The following KANSL2 variants were observed in gnomAD, a reference collection of about 807,000 sequenced individuals.
The protein encoded by KANSL2 is KAT8 regulatory NSL complex subunit 2, also known as NSL complex protein NSL2.
A neutral mutation model predicts 55.6 loss-of-function variants in KANSL2; 34 were observed. The ratio of observed to expected loss-of-function variants is 0.61; its 90% CI spans 0.46 to 0.81. The LOEUF is 0.81. KANSL2 is among the 40% of genes least tolerant of loss of function. The probability of loss-of-function intolerance (pLI) is 0.00; values close to 1 mark genes in which losing one functional copy is unlikely to be tolerated. For missense variants in KANSL2, 502 were observed against 609.9 expected (o/e 0.82, Z 1.86); for synonymous variants, 209 against 214.3 (o/e 0.98, Z 0.22).
intron 7 of KANSL2, among the ~76,000 whole-genome samples, chr12:48,660,932 C>T (rs10783273): frequency 0.28 from 42,123 of 152,042 alleles, 7,109 homozygotes; most frequent in East Asian, 0.75. Flanking sequence ...CTCCTAGGAA[C>T]ACACACATAT....
At chr12:48,678,934 C>T in intron 4 of KANSL2, 102 bp downstream of exon 4, 2 of 747,486 alleles carry the variant, frequency 2.7e-6, no homozygotes, top group Non-Finnish European at 4.5e-6. Flanking sequence ...TGACAAATAG[C>T]TGTCTTCAAC....
intron 3 of KANSL2, 68 bp from the exon 4 acceptor site, chr12:48,679,218 A>C: frequency 9.8e-7 from 1 of 1,018,658 alleles, no homozygotes; most frequent in Admixed American, 1.9e-5. Context: ...ACAAAACTAG[A>C]TTACTTTTAT....
intron 7 of KANSL2, among the ~76,000 whole-genome samples, chr12:48,665,025 G>A (rs1035733852): frequency 4.6e-5 from 7 of 151,626 alleles, no homozygotes; most frequent in East Asian, 3.9e-4. Flanking sequence ...ACATGCCATC[G>A]TGACCAGATA....
Position 48,681,615 on chromosome 12 carries a change from A to G in KANSL2, c.18T>C (p.Ile6=). The G allele has an allele frequency of 6.2e-7, 1 of 1,614,034 alleles. No individual in the cohort carries two copies. The change falls in exon 2 of 10, where the codon ATT becomes ATC. Residue 6 remains isoleucine (I), a synonymous_variant. Coordinates refer to ENST00000420613, the MANE Select transcript of KANSL2 (RefSeq NM_017822.4). ...TCCCCCGATTGGTTGGCAAGACGTG[A>G]ATCCGAATCCTGTTCATAACCAAAA... The part of the protein sequence containing the change: MNRIR[I]HVLPTNRGRI...
At position 48,669,188 on chromosome 12, in the gene KANSL2, C is replaced by T. The variant is rs1457481299; in HGVS notation, c.794G>A (p.Arg265His). Residue 265 changes from arginine (R) to histidine (H), a missense_variant, in exon 6 of 10, where the codon CGC becomes CAC. Physicochemically the swap from Arg to His is conservative, Grantham distance 29. Coordinates refer to ENST00000420613, the MANE Select transcript of KANSL2 (RefSeq NM_017822.4). ...TAAGGCTTCCACTCCATAGCGCTGG[C>T]GGTATCGTCGCAGACATTTTAATCG... is the stretch of plus-strand genomic sequence containing the variant. The part of the protein sequence containing the change: ...LKRLKCLRRY[R>H]QRYGVEALLH... 3.2e-6 allele frequency: 5 copies of T among 1,555,332 alleles called. No individual in the cohort carries two copies. The highest frequency in any genetic ancestry group is 2.4e-5 in the East Asian group (1 of 41,434).
At chr12:48,674,225 C>T (rs1351742698) in intron 4 of KANSL2, among the ~76,000 whole-genome samples, 1 of 152,206 alleles carries the variant, frequency 6.6e-6, no homozygotes, top group East Asian at 1.9e-4. Context: ...ACTGCAACCT[C>T]CGCCTCCCGG....
At chr12:48,676,306 A>G (rs910632154) in intron 4 of KANSL2, among the ~76,000 whole-genome samples, 2 of 152,148 alleles carry the variant, frequency 1.3e-5, no homozygotes, top group South Asian at 2.1e-4. Flanking sequence ...GTGTCTCCCT[A>G]TGTTGCCCAG....
chr12:48,662,128 G>T (rs182214152), intron 7 of KANSL2, among the ~76,000 whole-genome samples: 10 of 151,958 alleles, frequency 6.6e-5, no homozygotes, highest in Middle Eastern at 3.2e-3. Flanking sequence ...TTTTTTACAC[G>T]AAGTCTCGCT....
rs1423335010 is a variant in KANSL2, at chr12:48,679,807, C to T, written c.278G>A (p.Arg93His). The change falls in exon 3 of 10, where the codon CGT (arginine) becomes CAT (histidine). Residue 93 changes from arginine to histidine, a missense_variant. By Grantham distance (29) the Arg-to-His change is conservative. Transcript: ENST00000420613. ...AGCATGAAGTGCCAGGGCATTCCTA[C>T]GGACATGTTCAGCACAGAAGGACAC... Reference protein sequence around the residue: ...DGVSFCAEHVRRNALALHAQM... With the variant: ...DGVSFCAEHVHRNALALHAQM... 5.6e-6 allele frequency: 9 copies of T among 1,605,376 alleles called. No homozygotes were observed. The highest frequency in any genetic ancestry group is 1.3e-5 in the African/African-American group (1 of 74,696).
chr12:48,662,658 G>A (rs1445563766), intron 7 of KANSL2: 1 of 1,286,822 alleles, frequency 7.8e-7, no homozygotes, highest in Non-Finnish European at 1.0e-6. Flanking sequence ...TCTTTCTCTG[G>A]GATAAGGACT....
At chr12:48,661,710 T>C (rs1327557861) in intron 7 of KANSL2, among the ~76,000 whole-genome samples, 1 of 152,188 alleles carries the variant, frequency 6.6e-6, no homozygotes, top group Non-Finnish European at 1.5e-5. Flanking sequence ...CAATGCATAC[T>C]TGGAAATAAC....
intron 7 of KANSL2, chr12:48,667,393 T>TATA (rs779246389): frequency 4.2e-5 from 16 of 380,752 alleles, no homozygotes; most frequent in Non-Finnish European, 6.7e-5. Context: ...ATATTTTATG[T>TATA]ATATTTTGGG....
intron 7 of KANSL2, among the ~76,000 whole-genome samples, chr12:48,663,411 A>G (rs1939524687): frequency 1.3e-5 from 2 of 152,208 alleles, no homozygotes; most frequent in Non-Finnish European, 2.9e-5. Flanking sequence ...TAAAACAAAT[A>G]TATGTACAAA....
In KANSL2 at chr12:48,672,433, A is replaced by ATATT. The variant is rs371918890; in HGVS notation, c.546-472_546-471insAATA. 4.9e-3 allele frequency among the ~76,000 whole-genome samples: 586 copies of ATATT among 120,346 alleles called. 6 individuals are homozygous for ATATT. The highest frequency in any genetic ancestry group is 0.012 in the East Asian group (51 of 4,412). 79.0% of individuals were successfully genotyped at this position (120,346 alleles called of 152,430 possible). On this transcript the variant is annotated intron_variant, in intron 4 of 9. Transcript: ENST00000420613. The stretch of plus-strand genomic sequence containing the variant: ...CGTATATATATATATATATATATAT[A>ATATT]TTTTTTTTTTGAGATAAGGTCTCAC...
At chr12:48,655,906 C>T (rs1221171407) in intron 8 of KANSL2, among the ~76,000 whole-genome samples, 1 of 152,114 alleles carries the variant, frequency 6.6e-6, no homozygotes, top group African/African-American at 2.4e-5. Flanking sequence ...ACCTACCCAC[C>T]TACTTACACA....
intron 5 of KANSL2, among the ~76,000 whole-genome samples, 167 bp from the exon 6 acceptor site, chr12:48,669,439 C>T (rs140849334): frequency 1.0e-3 from 153 of 152,226 alleles, no homozygotes; most frequent in African/African-American, 3.6e-3. Flanking sequence ...TATAGTCATG[C>T]ACTATATAAC....
At position 48,681,988 on chromosome 12, in the gene KANSL2, G is replaced by A. The variant is rs531428915; in HGVS notation, c.-10+199C>T. The A allele has an allele frequency of 5.7e-6, 4 of 702,992 alleles. No homozygotes were observed. The South Asian group carries it at 5.9e-5, about 10-fold the overall frequency. 43.5% of individuals were successfully genotyped at this position (702,992 alleles called of 1,614,324 possible). On this transcript the variant is annotated intron_variant, in intron 1 of 9. Transcript: ENST00000420613. Reference sequence around the variant, plus strand: ...CCGGCCTGCCTCAGAGCGCACGACTGGGCCTGGCCTCGGAAGCCTATGCGA... The same window carrying A: ...CCGGCCTGCCTCAGAGCGCACGACTAGGCCTGGCCTCGGAAGCCTATGCGA...
chr12:48,674,476 T>C (rs1397147199), intron 4 of KANSL2, among the ~76,000 whole-genome samples: 1 of 152,120 alleles, frequency 6.6e-6, no homozygotes, highest in Non-Finnish European at 1.5e-5. Context: ...AAACTAGCTG[T>C]TAAGGCACTG....
chr12:48,658,564 T>C (rs1178795596), intron 8 of KANSL2: 2 of 152,142 alleles, frequency 1.3e-5, no homozygotes, highest in Non-Finnish European at 2.9e-5. Flanking sequence ...GAGACCAGCC[T>C]GGCCAACATG....
Sources: gnomAD v4.1 joint callset for allele counts (sites outside exome capture counted in the v4.1 genomes callset) on GRCh38, gnomAD v4.1.1 for gene constraint, MANE v1.5 for transcripts, NCBI Gene and HGNC (gene_info 2026-07-23, HGNC 2026-07-21) for gene names.